SERPINB12: variants seen among roughly 807,000 people sequenced by gnomAD.
The protein encoded by SERPINB12 is serpin B12.
Under a neutral mutation model 41.1 loss-of-function variants are expected in SERPINB12, and 57 were observed. The ratio of observed to expected loss-of-function variants is 1.39; its 90% confidence interval spans 1.12 to 1.73. SERPINB12 has a LOEUF of 1.73. Among genes scored for constraint, SERPINB12 ranks in the 40% most tolerant of loss-of-function variants. The pLI is 0.00. For missense variants in SERPINB12, 536 were observed against 501.9 expected (o/e 1.07, Z -0.65); for synonymous variants, 180 against 181.3 (o/e 0.99, Z 0.06).
At chr18:63,553,138 G>A (rs979667654) in intron 1 of SERPINB12, among the ~76,000 whole-genome samples, 19 of 152,218 alleles carry the variant, frequency 1.2e-4, no homozygotes, top group Non-Finnish European at 1.9e-4. Context: ...CTCCTGGAAA[G>A]TAGTTCACAA....
In SERPINB12 at chr18:63,549,451, T is replaced by A. The variant is rs76366342; in HGVS notation, c.-18-6691T>A. Among the ~76,000 whole-genome samples the A allele has an allele frequency of 1.1e-4, 16 of 152,292 alleles. No homozygotes were observed. In the East Asian group the frequency reaches 3.1e-3, roughly 29 times the overall value. On this transcript the variant is annotated intron_variant, in intron 1 of 7. Transcript: ENST00000382768. Reference sequence around the variant, plus strand: ...TTTTCTTTTTCTTCTGACTAAGAACTGCTTATCTTCTCTTTCCTATATAGC... The same window carrying A: ...TTTTCTTTTTCTTCTGACTAAGAACAGCTTATCTTCTCTTTCCTATATAGC...
At chr18:63,525,743 C>T in the SERPINB12 span, among the ~76,000 whole-genome samples, 7 of 152,198 alleles carry the variant, frequency 4.6e-5, no homozygotes, top group South Asian at 1.4e-3. Flanking sequence ...CTGCAATATT[C>T]AACAGGTCGA....
rs150544803 is a variant in SERPINB12 at position 63,562,202 on chromosome 18, C to T, written c.562+1000C>T. On this transcript the variant is annotated intron_variant, in intron 5 of 7. Coordinates refer to ENST00000382768, the MANE Select transcript of SERPINB12 (RefSeq NM_001307928.2). ...GGGCTTAGAGAATGCTCCCTTCTACCGGTGCCCGTGTGAATTTGAAAAACA... is the reference window on the plus strand; with the variant it reads ...GGGCTTAGAGAATGCTCCCTTCTACTGGTGCCCGTGTGAATTTGAAAAACA... Among the ~76,000 whole-genome samples the T allele has an allele frequency of 3.4e-4, 52 of 152,246 alleles. 1 individual carries two copies. The highest frequency in any genetic ancestry group is 7.2e-4 in the Admixed American group (11 of 15,300).
intron 1 of SERPINB12, among the ~76,000 whole-genome samples, chr18:63,551,413 C>A (rs905946778): frequency 3.9e-5 from 6 of 152,052 alleles, no homozygotes; most frequent in Non-Finnish European, 8.8e-5. Context: ...GCAACCTCTG[C>A]CTCCCAGGTT....
intron 1 of SERPINB12, among the ~76,000 whole-genome samples, chr18:63,543,272 G>A (rs943394016): frequency 6.6e-6 from 1 of 152,180 alleles, no homozygotes; most frequent in African/African-American, 2.4e-5. Context: ...GGCATCATAA[G>A]TGCAGGGACA....
Position 63,556,270 on chromosome 18 carries a change from T to G in SERPINB12, c.111T>G (p.Ala37=). 6.2e-7 allele frequency: 1 copy of G among 1,614,158 alleles called. No homozygotes were observed. The highest frequency in any genetic ancestry group is 8.5e-7 in the Non-Finnish European group (1 of 1,179,992). ...TTTTCTCTCCCCTGAGCCTCTCAGC[T>G]GCCCTTGGTATGGTACGCTTGGGTG... ...NIFFSPLSLS[A]ALGMVRLGAR... The change falls in exon 2 of 8, where the codon GCT becomes GCG. Residue 37 remains alanine, a synonymous_variant. Coordinates refer to ENST00000382768, the MANE Select transcript of SERPINB12 (RefSeq NM_001307928.2).
At chr18:63,553,324 C>G (rs1910581038) in intron 1 of SERPINB12, among the ~76,000 whole-genome samples, 1 of 152,180 alleles carries the variant, frequency 6.6e-6, no homozygotes, top group Non-Finnish European at 1.5e-5. Context: ...TGCTTCTGGA[C>G]AGCTGCATGA....
the SERPINB12 span, among the ~76,000 whole-genome samples, chr18:63,531,423 G>A: frequency 1.3e-5 from 2 of 152,128 alleles, no homozygotes; most frequent in Non-Finnish European, 2.9e-5. Context: ...AGATAGCATT[G>A]TTCTTTGGAT....
Position 63,562,386 on chromosome 18 carries a change from A to G in SERPINB12, c.562+1184A>G, listed in dbSNP as rs144871791. 9.8e-5 allele frequency among the ~76,000 whole-genome samples: 15 copies of G among 152,342 alleles called. No homozygotes were observed. The East Asian group carries it at 1.2e-3, about 12-fold the overall frequency. ...GTGCATGAGAGAGCACAGGTAGTGC[A>G]TTATGTCTCCTGCCTTCAGAGTGAG... On this transcript the variant is annotated intron_variant, in intron 5 of 7. Coordinates refer to ENST00000382768, the MANE Select transcript of SERPINB12 (RefSeq NM_001307928.2).
chr18:63,531,796 G>T, the SERPINB12 span, among the ~76,000 whole-genome samples: 10 of 152,206 alleles, frequency 6.6e-5, no homozygotes, highest in South Asian at 6.2e-4. Flanking sequence ...ATTTATTAAA[G>T]TTTCATTTCT....
chr18:63,526,342 C>G, the SERPINB12 span, among the ~76,000 whole-genome samples: 1 of 152,038 alleles, frequency 6.6e-6, no homozygotes, highest in African/African-American at 2.4e-5. Flanking sequence ...GAGTCTTGCT[C>G]TGTTGCCCAG....
intron 1 of SERPINB12, among the ~76,000 whole-genome samples, chr18:63,549,422 A>G (rs952035606): frequency 2.0e-5 from 3 of 152,014 alleles, no homozygotes; most frequent in African/African-American, 7.2e-5. Flanking sequence ...TATAAAATGA[A>G]TTTTTTTCTT....
chr18:63,559,526 A>C, intron 3 of SERPINB12, 52 bp from the exon 4 acceptor site: 1 of 1,591,534 alleles, frequency 6.3e-7, no homozygotes, highest in Non-Finnish European at 8.6e-7. Context: ...AGCGGTGTTT[A>C]GCTCTTCTGA....
chr18:63,545,205 A>G (rs1300226380), intron 1 of SERPINB12, among the ~76,000 whole-genome samples: 2 of 151,980 alleles, frequency 1.3e-5, no homozygotes, highest in Non-Finnish European at 2.9e-5. Context: ...GCCTGTTGAC[A>G]TAGAACTATT....
At chr18:63,565,678 T>C in intron 7 of SERPINB12, 66 bp downstream of exon 7, 1 of 1,378,926 alleles carries the variant, frequency 7.3e-7, no homozygotes, top group South Asian at 1.5e-5. Context: ...CAACACTGTC[T>C]ACTATCTACC....
At chr18:63,553,005 A>C (rs188295828) in intron 1 of SERPINB12, among the ~76,000 whole-genome samples, 1 of 151,938 alleles carries the variant, frequency 6.6e-6, no homozygotes, top group Non-Finnish European at 1.5e-5. Flanking sequence ...TTCTGTTACT[A>C]TTGTTCTCTC....
chr18:63,558,932 G>C (rs1910772044), intron 3 of SERPINB12, among the ~76,000 whole-genome samples: 1 of 151,878 alleles, frequency 6.6e-6, no homozygotes, highest in African/African-American at 2.4e-5. Context: ...TATTATCCAG[G>C]GTATGCATCC....
the SERPINB12 span, among the ~76,000 whole-genome samples, chr18:63,528,766 T>C: frequency 6.6e-6 from 1 of 152,082 alleles, no homozygotes; most frequent in Non-Finnish European, 1.5e-5. Flanking sequence ...GTAAATTCAG[T>C]AGAAGCTAGA....
intron 1 of SERPINB12, among the ~76,000 whole-genome samples, chr18:63,552,320 G>A (rs1249003362): frequency 6.6e-6 from 1 of 151,974 alleles, no homozygotes; most frequent in African/African-American, 2.4e-5. Context: ...AAATTAGGCT[G>A]GTTTCAAAGG....
Sources: allele counts gnomAD v4.1 joint callset (sites outside exome capture counted in the v4.1 genomes callset), GRCh38; gene constraint gnomAD v4.1.1; transcripts MANE v1.5; gene names NCBI Gene and HGNC (gene_info 2026-07-23, HGNC 2026-07-21).